PROS1: variants seen among roughly 807,000 people sequenced by gnomAD.
The protein encoded by PROS1 is vitamin K-dependent protein S.
A neutral mutation model predicts 75.9 loss-of-function variants in PROS1; 29 were observed. That is an observed-to-expected ratio of 0.38 (90% CI 0.28 to 0.52). The LOEUF (loss-of-function observed/expected upper bound fraction) is 0.52. Ranked by LOEUF, PROS1 falls within the 20% of genes least tolerant of loss-of-function variation. PROS1 has a pLI of 0.83. For synonymous variants in PROS1, 245 were observed against 280.6 expected (o/e 0.87, Z 1.27); for missense variants, 680 against 810.3 (o/e 0.84, Z 1.95).
At chr3:93,956,458 C>T (rs1204564509) in intron 1 of PROS1, among the ~76,000 whole-genome samples, 1 of 151,824 alleles carries the variant, frequency 6.6e-6, no homozygotes, top group Non-Finnish European at 1.5e-5. Flanking sequence ...GATCATGCCA[C>T]TGCATTCCAG....
intron 1 of PROS1, chr3:93,958,560 G>GTTTGGC (rs1423457643): frequency 1.3e-5 from 2 of 152,090 alleles, no homozygotes; most frequent in East Asian, 1.9e-4. Context: ...ACTTGATATG[G>GTTTGGC]TTTGGCTCTG....
intron 1 of PROS1, among the ~76,000 whole-genome samples, chr3:93,930,776 A>G (rs1340066479): frequency 6.6e-6 from 1 of 152,220 alleles, no homozygotes; most frequent in African/African-American, 2.4e-5. Context: ...AACTCAGGTA[A>G]AAAGCATGCA....
chr3:93,952,349 C>G (rs1009415923), intron 1 of PROS1, among the ~76,000 whole-genome samples: 4 of 152,012 alleles, frequency 2.6e-5, no homozygotes, highest in African/African-American at 9.7e-5. Flanking sequence ...CTCAGCAAAT[C>G]TAAAAGAACA....
At chr3:93,874,665 G>A (rs1708157267) in intron 14 of PROS1, among the ~76,000 whole-genome samples, 2 of 151,966 alleles carry the variant, frequency 1.3e-5, no homozygotes, top group African/African-American at 4.8e-5. Context: ...CACATTTGAG[G>A]GAGAGTAGAA....
intron 1 of PROS1, among the ~76,000 whole-genome samples, chr3:93,970,881 TCC>T (rs1658330588): frequency 6.6e-6 from 1 of 152,128 alleles, no homozygotes; most frequent in African/African-American, 2.4e-5. Flanking sequence ...ATACCTACAG[TCC>T]CAGACACTCA....
chr3:93,887,490 A>G (rs888781674), intron 10 of PROS1, among the ~76,000 whole-genome samples: 7 of 152,216 alleles, frequency 4.6e-5, no homozygotes, highest in African/African-American at 1.7e-4. Context: ...CTCAAAGAGC[A>G]AACTCTTCAC....
chr3:93,885,425 T>C (rs1708332032), intron 11 of PROS1, among the ~76,000 whole-genome samples: 1 of 152,078 alleles, frequency 6.6e-6, no homozygotes, highest in South Asian at 2.1e-4. Context: ...GGGGTTTTGC[T>C]ACATTGGCCA....
At chr3:93,877,836 T>C (rs909992840) in intron 13 of PROS1, among the ~76,000 whole-genome samples, 6 of 152,208 alleles carry the variant, frequency 3.9e-5, no homozygotes, top group Non-Finnish European at 5.9e-5. Context: ...ATAGCTTATA[T>C]GGCATAGAGG....
intron 3 of PROS1, 194 bp from the exon 4 acceptor site, chr3:93,910,899 G>A: frequency 1.7e-6 from 1 of 577,160 alleles, no homozygotes; most frequent in Non-Finnish European, 3.1e-6. Flanking sequence ...GATGGCAACA[G>A]ATACAGAAAC....
chr3:93,963,680 C>T (rs1709742226), intron 1 of PROS1, among the ~76,000 whole-genome samples: 1 of 146,852 alleles, frequency 6.8e-6, no homozygotes, highest in South Asian at 2.3e-4. Context: ...GATCACATGG[C>T]CAGAATGGGA....
intron 1 of PROS1, among the ~76,000 whole-genome samples, chr3:93,957,065 T>C (rs1311395161): frequency 1.3e-5 from 2 of 152,132 alleles, no homozygotes; most frequent in East Asian, 1.9e-4. Flanking sequence ...ATAATTGATA[T>C]AAGCAAAACA....
chr3:93,901,004 G>A, intron 6 of PROS1, 75 bp from the exon 7 acceptor site: 2 of 1,518,600 alleles, frequency 1.3e-6, no homozygotes. Context: ...CTTGATTTGT[G>A]TTTCCTGGAT....
rs114159916 is a variant in PROS1, at chr3:93,938,501, G to A, written c.77-11094C>T. 5.2e-3 allele frequency among the ~76,000 whole-genome samples: 793 copies of A among 152,060 alleles called. 6 individuals are homozygous for A. The highest frequency in any genetic ancestry group is 0.018 in the African/African-American group (730 of 41,478). On this transcript the variant is annotated intron_variant, in intron 1 of 14. Coordinates refer to ENST00000394236, the MANE Select transcript of PROS1 (RefSeq NM_000313.4). ...TTCCAGAGACTTGTCCCCTGTCCTC[G>A]TCCTCACTCCGTGAGGAGATCCACC...
intron 1 of PROS1, among the ~76,000 whole-genome samples, chr3:93,927,921 A>T: frequency 7.2e-6 from 1 of 138,726 alleles, no homozygotes; most frequent in South Asian, 2.3e-4. Flanking sequence ...GTGTATATAT[A>T]TATGTGTATA....
chr3:93,911,458 T>C (rs1708758750), intron 3 of PROS1, among the ~76,000 whole-genome samples: 1 of 152,192 alleles, frequency 6.6e-6, no homozygotes, highest in African/African-American at 2.4e-5. Context: ...GTGTTTTACT[T>C]AGCTTTTGCC....
chr3:93,926,299 T>G (rs1460254668), intron 2 of PROS1, among the ~76,000 whole-genome samples: 2 of 152,184 alleles, frequency 1.3e-5, no homozygotes, highest in African/African-American at 4.8e-5. Flanking sequence ...ATTTCAATAT[T>G]AGATGATACC....
chr3:93,884,957 G>C, intron 11 of PROS1, 61 bp from the exon 12 acceptor site: 1 of 1,380,330 alleles, frequency 7.2e-7, no homozygotes, highest in Non-Finnish European at 1.0e-6. Flanking sequence ...GCTCGATTAT[G>C]AGTATAGGTT....
At chr3:93,968,971 C>T (rs1709829581) in intron 1 of PROS1, among the ~76,000 whole-genome samples, 1 of 152,088 alleles carries the variant, frequency 6.6e-6, no homozygotes, top group Non-Finnish European at 1.5e-5. Flanking sequence ...AAACATGAGG[C>T]ACTTGCATCC....
At chr3:93,908,247 A>G (rs945041373) in intron 4 of PROS1, among the ~76,000 whole-genome samples, 2 of 152,234 alleles carry the variant, frequency 1.3e-5, no homozygotes, top group African/African-American at 2.4e-5. Context: ...TATGTAAAAT[A>G]ATGGTTTTTC....
Sources: allele counts gnomAD v4.1 joint callset (sites outside exome capture counted in the v4.1 genomes callset), GRCh38; gene constraint gnomAD v4.1.1; transcripts MANE v1.5; gene names NCBI Gene and HGNC (gene_info 2026-07-23, HGNC 2026-07-21).